Variants in DCC observed in about 807,000 individuals in gnomAD.
DCC encodes the protein netrin receptor DCC.
Under a neutral mutation model 172.5 loss-of-function variants are expected in DCC, and 58 were observed. That is an observed-to-expected ratio of 0.34 (90% CI 0.27 to 0.42). The LOEUF is 0.42. Among genes scored for constraint, DCC ranks in the 10% least tolerant of loss-of-function variants. DCC has a pLI of 1.00. For synonymous variants in DCC, 709 were observed against 644.5 expected (o/e 1.10, Z -1.52); for missense variants, 1,740 against 1,791.0 (o/e 0.97, Z 0.51).
intron 5 of DCC, chr18:52,934,964 G>C (rs1181761997): frequency 6.6e-6 from 1 of 152,150 alleles, no homozygotes; most frequent in Non-Finnish European, 1.5e-5. Context: ...CACCCAGTCT[G>C]TTGTATTTTG....
intron 12 of DCC, among the ~76,000 whole-genome samples, chr18:53,292,319 G>A (rs1395815643): frequency 9.2e-5 from 14 of 152,104 alleles, no homozygotes. Flanking sequence ...CTCGAATAGA[G>A]CTGTGGTAAT....
chr18:53,266,177 CA>C (rs1416462812), intron 12 of DCC, among the ~76,000 whole-genome samples: 7 of 152,162 alleles, frequency 4.6e-5, no homozygotes, highest in Admixed American at 3.3e-4. Flanking sequence ...CTACACATTT[CA>C]TACCTGATTT....
intron 2 of DCC, among the ~76,000 whole-genome samples, chr18:52,890,420 G>A (rs1325128650): frequency 6.6e-6 from 1 of 152,046 alleles, no homozygotes; most frequent in African/African-American, 2.4e-5. Context: ...AGAAATATAG[G>A]AAACAAGAAT....
intron 21 of DCC, among the ~76,000 whole-genome samples, chr18:53,424,386 T>C (rs1910791521): frequency 6.6e-6 from 1 of 152,222 alleles, no homozygotes; most frequent in Non-Finnish European, 1.5e-5. Context: ...GAAATGGTCC[T>C]GGCAAAGCAT....
intron 1 of DCC, among the ~76,000 whole-genome samples, chr18:52,541,232 A>T (rs1331445292): frequency 6.6e-6 from 1 of 152,110 alleles, no homozygotes; most frequent in African/African-American, 2.4e-5. Context: ...ATTCTTGGCC[A>T]CCTCACTCAT....
chr18:52,491,077 C>A (rs997856194), intron 1 of DCC, among the ~76,000 whole-genome samples: 2 of 152,072 alleles, frequency 1.3e-5, no homozygotes, highest in Non-Finnish European at 2.9e-5. Flanking sequence ...TATATGGAGC[C>A]TTCCATCAAA....
At chr18:53,131,026 G>A (rs1253607188) in intron 7 of DCC, among the ~76,000 whole-genome samples, 1 of 151,822 alleles carries the variant, frequency 6.6e-6, no homozygotes, top group Non-Finnish European at 1.5e-5. Context: ...AGCCTAATGG[G>A]GCCATTTAGT....
chr18:52,949,511 TC>T (rs2040601711), intron 5 of DCC, among the ~76,000 whole-genome samples: 1 of 152,244 alleles, frequency 6.6e-6, no homozygotes, highest in Non-Finnish European at 1.5e-5. Flanking sequence ...CATTATTTGT[TC>T]AGTTCTATTT....
intron 1 of DCC, among the ~76,000 whole-genome samples, chr18:52,656,025 T>C (rs2091237024): frequency 1.7e-5 from 2 of 115,994 alleles, no homozygotes. Context: ...TGTGTATATA[T>C]ATGTATATAT....
At chr18:52,811,940 G>A (rs574155266) in intron 2 of DCC, among the ~76,000 whole-genome samples, 15 of 152,152 alleles carry the variant, frequency 9.9e-5, no homozygotes, top group African/African-American at 3.4e-4. Flanking sequence ...ACTATGTTTT[G>A]TATTTTGAAA....
chr18:52,856,639 A>AG (rs1555673741), intron 2 of DCC, among the ~76,000 whole-genome samples: 15 of 150,358 alleles, frequency 1.0e-4, no homozygotes, highest in Non-Finnish European at 2.1e-4. Flanking sequence ...AAAAAAAAAA[A>AG]AAAAGAAAAC....
chr18:53,502,025 C>T (rs888261331), intron 27 of DCC, among the ~76,000 whole-genome samples: 3 of 152,136 alleles, frequency 2.0e-5, no homozygotes, highest in Admixed American at 2.0e-4. Flanking sequence ...AAATAATAAG[C>T]ATGTCTGAAG....
chr18:52,796,399 G>C (rs76779252), intron 2 of DCC, among the ~76,000 whole-genome samples: 6,558 of 152,016 alleles, frequency 0.043, 219 homozygotes, highest in South Asian at 0.16. Flanking sequence ...TGTGTATCTA[G>C]TCTACCAGTG....
chr18:52,447,469 T>C (rs73955636), intron 1 of DCC, among the ~76,000 whole-genome samples: 3,552 of 152,316 alleles, frequency 0.023, 132 homozygotes, highest in African/African-American at 0.081. Flanking sequence ...GAAGTGTGAC[T>C]GACCTTGGTG....
At chr18:52,841,981 A>T (rs1336134088) in intron 2 of DCC, among the ~76,000 whole-genome samples, 1 of 142,994 alleles carries the variant, frequency 7.0e-6, no homozygotes, top group African/African-American at 2.6e-5. Context: ...GTTTGAGGAT[A>T]TTCCAGAAAT....
chr18:52,577,717 T>C (rs937782684), intron 1 of DCC, among the ~76,000 whole-genome samples: 7 of 152,192 alleles, frequency 4.6e-5, no homozygotes, highest in African/African-American at 7.2e-5. Flanking sequence ...TGCAGGAAGA[T>C]TGCCCTTGGC....
At chr18:53,310,945 T>G in intron 13 of DCC, among the ~76,000 whole-genome samples, 1 of 149,346 alleles carries the variant, frequency 6.7e-6, no homozygotes, top group Non-Finnish European at 1.5e-5. Context: ...CATTGCTAGT[T>G]ACACCGTACT....
chr18:53,099,904 T>C (rs1478954195), intron 7 of DCC, among the ~76,000 whole-genome samples: 9 of 151,328 alleles, frequency 5.9e-5, no homozygotes, highest in African/African-American at 1.9e-4. Context: ...TATATGAGTT[T>C]CACTCACTTA....
At chr18:52,489,255 A>G (rs1305935902) in intron 1 of DCC, among the ~76,000 whole-genome samples, 1 of 152,078 alleles carries the variant, frequency 6.6e-6, no homozygotes, top group Non-Finnish European at 1.5e-5. Context: ...TAGGAAAAGT[A>G]TAGATTTAGA....
Sources: allele counts gnomAD v4.1 joint callset (sites outside exome capture counted in the v4.1 genomes callset), GRCh38; gene constraint gnomAD v4.1.1; transcripts MANE v1.5; gene names NCBI Gene and HGNC (gene_info 2026-07-23, HGNC 2026-07-21).